Variants in ELAPOR2 observed in about 807,000 individuals in gnomAD.
ELAPOR2 encodes the protein endosome-lysosome associated apoptosis and autophagy regulator family member 2.
Under a neutral mutation model 120.7 loss-of-function variants are expected in ELAPOR2, and 89 were observed. That is an observed-to-expected ratio of 0.74 (90% CI 0.62 to 0.88). The LOEUF (loss-of-function observed/expected upper bound fraction) is 0.88, where lower values mean the gene tolerates loss of function less well. ELAPOR2 is among the 40% of genes least tolerant of loss of function. ELAPOR2 has a pLI of 0.00. For synonymous variants in ELAPOR2, 444 were observed against 444.9 expected, an observed-to-expected ratio of 1.00 and a Z score of 0.03; for missense variants, 1,134 against 1,251.6, an observed-to-expected ratio of 0.91 and a Z score of 1.42.
At chr7:87,031,043 G>T (rs542847550) in intron 1 of ELAPOR2, among the ~76,000 whole-genome samples, 1 of 152,198 alleles carries the variant, frequency 6.6e-6, no homozygotes, top group East Asian at 1.9e-4. Flanking sequence ...ACTACCACGA[G>T]AACAGTATGG....
intron 1 of ELAPOR2, among the ~76,000 whole-genome samples, chr7:87,006,950 C>A (rs1420997338): frequency 4.6e-5 from 7 of 152,116 alleles, no homozygotes; most frequent in Admixed American, 6.6e-5. Flanking sequence ...AGAAGCCAGA[C>A]ACACACACAA....
chr7:87,021,274 G>C (rs1794033008), intron 1 of ELAPOR2, among the ~76,000 whole-genome samples: 1 of 152,108 alleles, frequency 6.6e-6, no homozygotes, highest in African/African-American at 2.4e-5. Flanking sequence ...AGGATGACAA[G>C]ACATACATAA....
At chr7:86,910,971 A>T (rs1554383637) in intron 15 of ELAPOR2, among the ~76,000 whole-genome samples, 1 of 152,106 alleles carries the variant, frequency 6.6e-6, no homozygotes, top group Non-Finnish European at 1.5e-5. Context: ...ATAAAAAATA[A>T]TGGAAAAGAT....
chr7:86,901,903 T>G (rs1245194737), intron 18 of ELAPOR2, among the ~76,000 whole-genome samples: 1 of 152,218 alleles, frequency 6.6e-6, no homozygotes, highest in Non-Finnish European at 1.5e-5. Flanking sequence ...CACCACTGCA[T>G]CTTGCTCCAA....
intron 9 of ELAPOR2, 83 bp downstream of exon 9, chr7:86,926,652 TA>T: frequency 7.5e-7 from 1 of 1,329,526 alleles, no homozygotes; most frequent in Non-Finnish European, 1.0e-6. Context: ...CCACTTTCCA[TA>T]AAAACAATTT....
intron 1 of ELAPOR2, among the ~76,000 whole-genome samples, chr7:86,992,601 A>G (rs1792979956): frequency 6.6e-6 from 1 of 152,238 alleles, no homozygotes; most frequent in Non-Finnish European, 1.5e-5. Flanking sequence ...CCTTATACTA[A>G]ATAAGTTGGA....
Position 86,912,962 on chromosome 7 carries a change from C to T in ELAPOR2, c.1974G>A (p.Gly658=). The T allele has an allele frequency of 6.2e-7, 1 of 1,614,024 alleles. No homozygotes were observed. Among genetic ancestry groups the T allele is most frequent in the Non-Finnish European group, 8.5e-7 (1 of 1,179,966 alleles). The change falls in exon 14 of 22, where the codon GGG becomes GGA. Residue 658 remains glycine (G), a synonymous_variant. Transcript: ENST00000450689. ...VYGKEACIPC[G]PGSKNNQDHS... ...TTACCTGATTGTTTTTACTCCCAGG[C>T]CCGCATGGAATACAAGCCTCTTTGC... is the stretch of plus-strand genomic sequence containing the variant.
chr7:86,938,188 G>C lies in ELAPOR2; in HGVS notation c.1027C>G (p.Arg343Gly), dbSNP rs1156348326. The C allele has an allele frequency of 6.4e-7, 1 of 1,550,578 alleles. No homozygotes were observed. Among genetic ancestry groups the C allele is most frequent in the African/African-American group, 1.4e-5 (1 of 72,990 alleles). ...TAGTCTTTTGTGGTACAGGGAGGGC[G>C]CTCTGTACACTCACTGGATCCTTCC... ...SEEGSSECTE[R>G]PPCTTKDYFQ... The change falls in exon 8 of 22, where the codon CGC (arginine) becomes GGC (glycine). Residue 343 changes from arginine to glycine, a missense_variant. Arg to Gly is a moderately radical substitution (Grantham distance 125). Transcript: ENST00000450689.
intron 13 of ELAPOR2, among the ~76,000 whole-genome samples, chr7:86,913,815 T>G (rs1158776634): frequency 6.6e-6 from 1 of 152,228 alleles, no homozygotes; most frequent in Admixed American, 6.5e-5. Flanking sequence ...CTTGTAACAC[T>G]GAGTCACTTT....
chr7:86,939,582 A>G (rs904870062), intron 6 of ELAPOR2, among the ~76,000 whole-genome samples: 1 of 152,150 alleles, frequency 6.6e-6, no homozygotes, highest in Non-Finnish European at 1.5e-5. Flanking sequence ...CGGTTGGCTC[A>G]GAGAAGCATA....
At chr7:86,993,991 C>T (rs919013132) in intron 1 of ELAPOR2, among the ~76,000 whole-genome samples, 1 of 152,204 alleles carries the variant, frequency 6.6e-6, no homozygotes, top group Admixed American at 6.5e-5. Context: ...CTCTTTGAGC[C>T]TTTTAACCTA....
At chr7:86,951,753 C>T (rs1360130450) in intron 2 of ELAPOR2, among the ~76,000 whole-genome samples, 1 of 152,212 alleles carries the variant, frequency 6.6e-6, no homozygotes, top group African/African-American at 2.4e-5. Flanking sequence ...CCTTTGTCAA[C>T]CAATCAATAC....
intron 2 of ELAPOR2, among the ~76,000 whole-genome samples, chr7:86,964,383 T>C (rs1406634007): frequency 6.6e-6 from 1 of 152,186 alleles, no homozygotes; most frequent in Non-Finnish European, 1.5e-5. Flanking sequence ...GAATGTGATA[T>C]CCAGCAATTC....
chr7:86,938,075 G>C, intron 8 of ELAPOR2, 51 bp downstream of exon 8: 1 of 1,345,278 alleles, frequency 7.4e-7, no homozygotes, highest in Non-Finnish European at 1.0e-6. Flanking sequence ...GCTCAAATTG[G>C]AAAGAAGGTT....
At chr7:86,950,813 C>G (rs1280798164) in intron 2 of ELAPOR2, among the ~76,000 whole-genome samples, 1 of 152,220 alleles carries the variant, frequency 6.6e-6, no homozygotes, top group Non-Finnish European at 1.5e-5. Context: ...AAAGGTGCCA[C>G]TGGCCACAGG....
At chr7:86,987,260 C>G (rs1792778046) in intron 1 of ELAPOR2, among the ~76,000 whole-genome samples, 1 of 152,126 alleles carries the variant, frequency 6.6e-6, no homozygotes, top group African/African-American at 2.4e-5. Flanking sequence ...AAAACCTAGG[C>G]AATACCATTC....
chr7:86,947,234 A>T (rs1791047068), intron 3 of ELAPOR2, among the ~76,000 whole-genome samples: 2 of 152,220 alleles, frequency 1.3e-5, no homozygotes, highest in African/African-American at 4.8e-5. Flanking sequence ...AAACAGTTTA[A>T]CATTTCTCCA....
intron 1 of ELAPOR2, among the ~76,000 whole-genome samples, chr7:86,992,959 C>T (rs1634988): frequency 0.38 from 57,485 of 151,850 alleles, 11,723 homozygotes; most frequent in African/African-American, 0.53. Context: ...AAAATCTTGC[C>T]GGGCGTGGTG....
chr7:86,903,458 GA>G (rs1788814491), intron 18 of ELAPOR2, among the ~76,000 whole-genome samples: 1 of 152,120 alleles, frequency 6.6e-6, no homozygotes, highest in African/African-American at 2.4e-5. Flanking sequence ...TAGGGAAAAA[GA>G]AAACAAGGGA....
Sources: gnomAD v4.1 joint callset for allele counts (sites outside exome capture counted in the v4.1 genomes callset) on GRCh38, gnomAD v4.1.1 for gene constraint, MANE v1.5 for transcripts, NCBI Gene and HGNC (gene_info 2026-07-23, HGNC 2026-07-21) for gene names.